Variants in RELL1 observed in about 807,000 individuals in gnomAD.
RELL1 encodes the protein RELT-like protein 1.
RELL1 carries 10 observed loss-of-function variants against 23.0 expected under a neutral mutation model. The ratio of observed to expected loss-of-function variants is 0.43; its 90% CI spans 0.27 to 0.74. RELL1 has a LOEUF of 0.74. Ranked by LOEUF, RELL1 falls within the 30% of genes least tolerant of loss-of-function variation. RELL1 has a pLI of 0.19. For missense variants in RELL1, 315 were observed against 364.4 expected, an observed-to-expected ratio of 0.86 and a Z score of 1.10; for synonymous variants, 146 against 146.8, an observed-to-expected ratio of 0.99 and a Z score of 0.04.
At chr4:37,595,656 T>G (rs754788229) in intron 6 of RELL1, among the ~76,000 whole-genome samples, 5 of 152,146 alleles carry the variant, frequency 3.3e-5, no homozygotes, top group Non-Finnish European at 5.9e-5. Flanking sequence ...AGGAATTGTA[T>G]TTATTATTCA....
At chr4:37,588,948 G>C (rs2279994), downstream of RELL1, 3 of 1,449,416 alleles carry the variant, frequency 2.1e-6, no homozygotes, top group East Asian at 6.8e-5. Context: ...TGTGATGAGC[G>C]TGGGGTCACT....
At chr4:37,649,534 T>A in intron 1 of RELL1, 34 bp from the exon 2 acceptor site, 1 of 1,574,468 alleles carries the variant, frequency 6.4e-7, no homozygotes, top group Non-Finnish European at 8.7e-7. Context: ...GCATTAGATA[T>A]CTGTCCAGGG....
intron 1 of RELL1, among the ~76,000 whole-genome samples, chr4:37,679,712 T>C (rs908818105): frequency 1.3e-5 from 2 of 152,170 alleles, no homozygotes; most frequent in Non-Finnish European, 2.9e-5. Context: ...CCCAGCACTT[T>C]GGGAGGCCGA....
downstream of RELL1, among the ~76,000 whole-genome samples, chr4:37,606,633 A>T (rs1281267902): frequency 6.6e-6 from 1 of 152,228 alleles, no homozygotes; most frequent in Non-Finnish European, 1.5e-5. This position sits in a 1 kb window ranked among gnomAD's most constrained non-coding sequence, Gnocchi z 4.1. Context: ...GGAGGGAGGC[A>T]TGGGCCAGAT....
chr4:37,616,295 G>A (rs1387136530), intron 6 of RELL1, among the ~76,000 whole-genome samples: 4 of 152,138 alleles, frequency 2.6e-5, no homozygotes, highest in East Asian at 1.9e-4. Context: ...AATTAGTAAC[G>A]GGAAAGTAGG....
chr4:37,644,684 T>C (rs935489401), intron 3 of RELL1, among the ~76,000 whole-genome samples: 2 of 151,938 alleles, frequency 1.3e-5, no homozygotes, highest in African/African-American at 4.8e-5. Context: ...GGTCTCGAAC[T>C]CCTGACCTCA....
chr4:37,623,137 A>G (rs75522699), intron 6 of RELL1: 1 of 307,804 alleles, frequency 3.2e-6, no homozygotes, highest in African/African-American at 2.3e-5. Flanking sequence ...TTGTACCTCC[A>G]TTGATCTGAA....
rs1722417758 is a variant in RELL1 at position 37,686,376 on chromosome 4, T to G, written c.-89A>C. 9.6e-7 allele frequency: 1 copy of G among 1,045,048 alleles called. No individual in the cohort carries two copies. Among genetic ancestry groups the G allele is most frequent in the Non-Finnish European group, 1.3e-6 (1 of 767,318 alleles). 64.7% of individuals were successfully genotyped at this position (1,045,048 alleles called of 1,614,324 possible). On this transcript the variant is annotated 5_prime_UTR_variant, in exon 1 of 7. Coordinates refer to ENST00000454158, the MANE Select transcript of RELL1 (RefSeq NM_001085400.2). ...CTCCGGAGCCGGCGGGCTGATCGAG[T>G]GGCTGGGCTGGGCCCCAGGGAGCGG...
intron 1 of RELL1, among the ~76,000 whole-genome samples, chr4:37,681,426 CAG>C (rs1722216494): frequency 6.6e-6 from 1 of 150,390 alleles, no homozygotes; most frequent in Admixed American, 6.7e-5. Context: ...GCCAGTAGGA[CAG>C]AGAGACAGGT....
At chr4:37,600,902 A>AT (rs1236429297) in intron 6 of RELL1, among the ~76,000 whole-genome samples, 4 of 152,058 alleles carry the variant, frequency 2.6e-5, no homozygotes, top group African/African-American at 9.7e-5. Context: ...TTTCAAGAGT[A>AT]TTTTGTCTAT....
At chr4:37,623,346 G>C (rs1719834019) in intron 6 of RELL1, 1 of 153,334 alleles carries the variant, frequency 6.5e-6, no homozygotes, top group African/African-American at 2.4e-5. Context: ...TGAGCTATGT[G>C]AAGAAACGGC....
downstream of RELL1, among the ~76,000 whole-genome samples, chr4:37,609,847 T>A (rs1352266098): frequency 1.3e-5 from 2 of 152,184 alleles, no homozygotes; most frequent in Admixed American, 6.5e-5. Flanking sequence ...GCTTAACAGA[T>A]GATGAAAGAA....
intron 6 of RELL1, among the ~76,000 whole-genome samples, chr4:37,598,810 G>A (rs1394819013): frequency 7.9e-5 from 12 of 152,068 alleles, no homozygotes; most frequent in African/African-American, 2.2e-4. Context: ...TCAGCCTCCC[G>A]AGTAGCTGGG....
downstream of RELL1, among the ~76,000 whole-genome samples, chr4:37,607,931 G>A (rs1192695307): frequency 1.3e-5 from 2 of 152,106 alleles, no homozygotes; most frequent in African/African-American, 4.8e-5. Flanking sequence ...TCATGTCCCT[G>A]TGTCACATAT....
At chr4:37,668,639 C>T (rs1345029369) in intron 1 of RELL1, among the ~76,000 whole-genome samples, 2 of 151,892 alleles carry the variant, frequency 1.3e-5, no homozygotes, top group Non-Finnish European at 2.9e-5. Context: ...GGCCGCCACC[C>T]CGTCTGGGAA....
chr4:37,636,503 G>A (rs1720336558), intron 4 of RELL1, among the ~76,000 whole-genome samples: 1 of 151,640 alleles, frequency 6.6e-6, no homozygotes, highest in South Asian at 2.1e-4. Context: ...GCTGAGGCAG[G>A]AGAATGGTGT....
intron 1 of RELL1, among the ~76,000 whole-genome samples, chr4:37,659,575 G>T (rs896323376): frequency 1.3e-5 from 2 of 152,076 alleles, no homozygotes; most frequent in Non-Finnish European, 2.9e-5. Flanking sequence ...CTCAAAAGGG[G>T]TTTTTCTTCA....
At chr4:37,640,249 T>C (rs1026007570) in intron 3 of RELL1, among the ~76,000 whole-genome samples, 28 of 152,320 alleles carry the variant, frequency 1.8e-4, no homozygotes, top group African/African-American at 6.3e-4. Context: ...CCAAATGCAT[T>C]TTCAAACACA....
At chr4:37,605,849 A>AAGG, downstream of RELL1, among the ~76,000 whole-genome samples, 1 of 75,690 alleles carries the variant, frequency 1.3e-5, no homozygotes, top group Non-Finnish European at 4.6e-5. Flanking sequence ...GAAAGAAGGA[A>AAGG]AAGAAAAGAA....
Sources: allele counts gnomAD v4.1 joint callset (sites outside exome capture counted in the v4.1 genomes callset), GRCh38; gene constraint gnomAD v4.1.1; non-coding constraint Gnocchi (gnomAD v3.1); transcripts MANE v1.5; gene names NCBI Gene and HGNC (gene_info 2026-07-23, HGNC 2026-07-21).